CACNA1B: variants seen among roughly 807,000 people sequenced by gnomAD.
CACNA1B encodes voltage-dependent N-type calcium channel subunit alpha-1B.
CACNA1B carries 70 observed loss-of-function variants against 247.2 expected under a neutral mutation model. That is an observed-to-expected ratio of 0.28 (90% CI 0.23 to 0.35). CACNA1B has a LOEUF of 0.35. Among genes scored for constraint, CACNA1B ranks in the 10% least tolerant of loss-of-function variants. CACNA1B has a pLI of 1.00. For missense variants in CACNA1B, 2,367 were observed against 3,197.4 expected, an observed-to-expected ratio of 0.74 and a Z score of 6.26; for synonymous variants, 1,231 against 1,294.4, an observed-to-expected ratio of 0.95 and a Z score of 1.05.
Position 138,122,540 on chromosome 9 carries a change from C to T in CACNA1B, c.*541C>T, listed in dbSNP as rs201102670. 1 of 155,608 alleles carries T rather than the reference C, an allele frequency of 6.4e-6. No individual in the cohort carries two copies. The highest frequency in any genetic ancestry group is 2.0e-4 in the South Asian group (1 of 4,922). 9.6% of individuals were successfully genotyped at this position (155,608 alleles called of 1,614,324 possible). A position where few individuals can be genotyped will look rare whatever the true frequency, so the allele number is the denominator to read the frequency against. ...TGTCCTCCCTGGACACCGTCAGCCCCACAGGAACCGAGCTGGGAAGTGTTC... is the reference window on the plus strand; with the variant it reads ...TGTCCTCCCTGGACACCGTCAGCCCTACAGGAACCGAGCTGGGAAGTGTTC... On this transcript the variant is annotated 3_prime_UTR_variant, in exon 47 of 47. Coordinates refer to ENST00000371372, the MANE Select transcript of CACNA1B (RefSeq NM_000718.4).
At chr9:138,044,984 G>A (rs190899752) in intron 21 of CACNA1B, among the ~76,000 whole-genome samples, 3 of 152,340 alleles carry the variant, frequency 2.0e-5, no homozygotes, top group African/African-American at 7.2e-5. Flanking sequence ...AACCCGGTGT[G>A]GAAATGGAAA....
rs1958658393 is a variant in CACNA1B, at chr9:138,006,860, A to T, written c.2068A>T (p.Ile690Phe). 6.2e-7 allele frequency: 1 copy of T among 1,601,260 alleles called. No homozygotes were observed. The highest frequency in any genetic ancestry group is 2.2e-5 in the East Asian group (1 of 44,814). Residue 690 changes from isoleucine to phenylalanine, a missense_variant, in exon 16 of 47, where the codon ATT becomes TTT. Physicochemically the swap from Ile to Phe is conservative, Grantham distance 21 (BLOSUM62 0). Coordinates refer to ENST00000371372, the MANE Select transcript of CACNA1B (RefSeq NM_000718.4). The part of the protein sequence containing the change: ...SKGMFSSFYF[I>F]VLTLFGNYTL... ...AGGCATGTTCTCGTCCTTTTACTTC[A>T]TTGTCCTGACACTGTTCGGAAACTG...
chr9:137,971,453 GA>G lies in CACNA1B; in HGVS notation c.1406del (p.Lys469ArgfsTer11). On this transcript the variant is annotated frameshift_variant, in exon 11 of 47. Coordinates refer to ENST00000371372, the MANE Select transcript of CACNA1B (RefSeq NM_000718.4). LOFTEE classifies it high-confidence loss of function. This position sits in a 1 kb window ranked among gnomAD's most constrained non-coding sequence, Gnocchi z 4.4. ...ESSSYFRRKE[K>X]MFRFFIRRMV... ...GCTCGTCATACTTCCGGAGGAAGGA[GA>G]AGATGTTCCGGTTTTTTATCCGGCG... The G allele has an allele frequency of 6.2e-7, 1 of 1,613,650 alleles. No homozygotes were observed. The highest frequency in any genetic ancestry group is 8.5e-7 in the Non-Finnish European group (1 of 1,179,724).
chr9:138,002,179 A>C (rs1958585051), intron 15 of CACNA1B, among the ~76,000 whole-genome samples: 1 of 152,256 alleles, frequency 6.6e-6, no homozygotes, highest in African/African-American at 2.4e-5. Flanking sequence ...AAATATCAAA[A>C]GAACAGACCA....
In CACNA1B at chr9:137,880,755, A is replaced by T. The variant is rs1423084943; in HGVS notation, c.390+1596A>T. ...GTCCCATGTGCAGGCCCAGCCATTGATGTCCCCTGGGATGGAGGGGAGGCT... is the reference window on the plus strand; with the variant it reads ...GTCCCATGTGCAGGCCCAGCCATTGTTGTCCCCTGGGATGGAGGGGAGGCT... On this transcript the variant is annotated intron_variant, in intron 2 of 46. Coordinates refer to ENST00000371372, the MANE Select transcript of CACNA1B (RefSeq NM_000718.4). This position sits in a 1 kb window ranked among gnomAD's most constrained non-coding sequence, Gnocchi z 4.8. 1.3e-5 allele frequency among the ~76,000 whole-genome samples: 2 copies of T among 152,094 alleles called. No homozygotes were observed. The highest frequency in any genetic ancestry group is 4.8e-5 in the African/African-American group (2 of 41,410).
At chr9:138,083,091 G>A (rs985738591) in intron 36 of CACNA1B, among the ~76,000 whole-genome samples, 1 of 150,986 alleles carries the variant, frequency 6.6e-6, no homozygotes, top group Non-Finnish European at 1.5e-5. Flanking sequence ...AAGCCTAGCT[G>A]AGGGAGCTGC....
At chr9:138,026,480 T>C (rs770782920) in intron 20 of CACNA1B, among the ~76,000 whole-genome samples, 1 of 152,210 alleles carries the variant, frequency 6.6e-6, no homozygotes, top group Non-Finnish European at 1.5e-5. Context: ...TCACTGTCCC[T>C]ATAGTTTTGC....
intron 3 of CACNA1B, among the ~76,000 whole-genome samples, chr9:137,902,428 G>A (rs1208130519): frequency 1.3e-5 from 2 of 152,192 alleles, no homozygotes; most frequent in African/African-American, 2.4e-5. Flanking sequence ...GCTTCAGGGC[G>A]TAGAAAGTAC....
Position 137,914,562 on chromosome 9 carries a change from G to C in CACNA1B, c.623-92G>C. 1 of 1,059,534 alleles carries C rather than the reference G, an allele frequency of 9.4e-7. No individual in the cohort carries two copies. Among genetic ancestry groups the C allele is most frequent in the East Asian group, 2.4e-5 (1 of 40,892 alleles). The allele number at this position is 1,059,534 out of a possible 1,614,324, so 65.6% of individuals were successfully genotyped here. ...CACTGCTTAGCACCTTGCTGTCCCT[G>C]CTAGGTTCCTGCTGTTCTGTCCCTG... On this transcript the variant is annotated intron_variant, in intron 4 of 46. Coordinates refer to ENST00000371372, the MANE Select transcript of CACNA1B (RefSeq NM_000718.4). This position sits in a 1 kb window ranked among gnomAD's most constrained non-coding sequence, Gnocchi z 4.3.
chr9:138,014,624 T>G lies in CACNA1B; in HGVS notation c.2267+1389T>G, dbSNP rs1958767133. 6.6e-6 allele frequency among the ~76,000 whole-genome samples: 1 copy of G among 152,210 alleles called. No individual in the cohort carries two copies. Among genetic ancestry groups the G allele is most frequent in the Non-Finnish European group, 1.5e-5 (1 of 68,028 alleles). On this transcript the variant is annotated intron_variant, in intron 18 of 46. Coordinates refer to ENST00000371372, the MANE Select transcript of CACNA1B (RefSeq NM_000718.4). This position sits in a 1 kb window ranked among gnomAD's most constrained non-coding sequence, Gnocchi z 6.2. Reference sequence around the variant, plus strand: ...GTCCAGGGGTTTGCTACCAGGGCTCTGTGAGCTCTGCAGGTGGGTGGTCTG... The same window carrying G: ...GTCCAGGGGTTTGCTACCAGGGCTCGGTGAGCTCTGCAGGTGGGTGGTCTG...
intron 34 of CACNA1B, among the ~76,000 whole-genome samples, chr9:138,074,970 T>G (rs1305329520): frequency 6.6e-6 from 1 of 152,234 alleles, no homozygotes; most frequent in Non-Finnish European, 1.5e-5. Flanking sequence ...TAATTTAGAT[T>G]TTCTTTATTT....
At chr9:138,045,768 G>A (rs1160683786) in intron 21 of CACNA1B, among the ~76,000 whole-genome samples, 1 of 152,188 alleles carries the variant, frequency 6.6e-6, no homozygotes, top group Non-Finnish European at 1.5e-5. Flanking sequence ...GGTTGAGGCA[G>A]CAGCAGGCTG....
chr9:138,013,376 G>A (rs759267775), intron 18 of CACNA1B, 141 bp downstream of exon 18: 7 of 606,822 alleles, frequency 1.2e-5, no homozygotes, highest in South Asian at 2.0e-5. Context: ...GCCCCTCCTC[G>A]GAACTGGGAT....
intron 36 of CACNA1B, among the ~76,000 whole-genome samples, chr9:138,081,049 A>G (rs1172367251): frequency 6.6e-6 from 1 of 152,204 alleles, no homozygotes; most frequent in African/African-American, 2.4e-5. Flanking sequence ...TTGGAGAATC[A>G]CTTTCCTGAG....
intron 31 of CACNA1B, among the ~76,000 whole-genome samples, chr9:138,061,705 AC>A (rs986700535): frequency 3.3e-5 from 5 of 152,218 alleles, no homozygotes; most frequent in Non-Finnish European, 7.3e-5. Flanking sequence ...ACGGTACTGC[AC>A]AAGGAAAGGC....
chr9:138,014,370 G>C lies in CACNA1B; in HGVS notation c.2267+1135G>C, dbSNP rs1958764514. 6.6e-6 allele frequency among the ~76,000 whole-genome samples: 1 copy of C among 152,214 alleles called. No homozygotes were observed. Among genetic ancestry groups the C allele is most frequent in the Non-Finnish European group, 1.5e-5 (1 of 68,032 alleles). Reference sequence around the variant, plus strand: ...GGCCTGTCTCTAAGCCTAGCAGAAAGTGCTGGTCTTTGGGGCAGAAGCAGC... The same window carrying C: ...GGCCTGTCTCTAAGCCTAGCAGAAACTGCTGGTCTTTGGGGCAGAAGCAGC... On this transcript the variant is annotated intron_variant, in intron 18 of 46. Coordinates refer to ENST00000371372, the MANE Select transcript of CACNA1B (RefSeq NM_000718.4). The surrounding 1 kb of genome is among the most constrained non-coding windows in gnomAD (Gnocchi z 6.2).
At chr9:137,930,043 C>T (rs1423451362) in intron 6 of CACNA1B, among the ~76,000 whole-genome samples, 1 of 152,174 alleles carries the variant, frequency 6.6e-6, no homozygotes, top group Non-Finnish European at 1.5e-5. Context: ...GTGATCCTCC[C>T]ACCTTGGCCT....
In CACNA1B at chr9:138,121,568, C is replaced by T. The variant is rs1962101428; in HGVS notation, c.6589C>T (p.Pro2197Ser). The stretch of plus-strand genomic sequence containing the variant: ...GCAGCTCCCCCAGACGCCCCTGACT[C>T]CCCGCCCCAGCATCACCTACAAGAC... ...RRQLPQTPLT[P>S]RPSITYKTAN... Residue 2197 changes from proline (P) to serine (S), a missense_variant, in exon 47 of 47, where the codon CCC (proline) becomes TCC (serine). By Grantham distance (74) the Pro-to-Ser change is moderately conservative. Around this residue, in one of 12 missense-constraint regions of CACNA1B, gnomAD observed 773 missense variants for 779.4 expected, o/e 0.99. Transcript: ENST00000371372. This position sits in a 1 kb window ranked among gnomAD's most constrained non-coding sequence, Gnocchi z 6.8. The T allele has an allele frequency of 1.9e-6, 3 of 1,609,842 alleles. No homozygotes were observed. Among genetic ancestry groups the T allele is most frequent in the Non-Finnish European group, 2.5e-6 (3 of 1,177,296 alleles).
chr9:138,113,755 G>T (rs372302281), intron 40 of CACNA1B, among the ~76,000 whole-genome samples: 8 of 141,796 alleles, frequency 5.6e-5, no homozygotes, highest in Non-Finnish European at 1.1e-4. Context: ...ACTCCTCCTT[G>T]TGGGAGACGT....
Sources: allele counts gnomAD v4.1 joint callset (sites outside exome capture counted in the v4.1 genomes callset), GRCh38; gene constraint gnomAD v4.1.1; regional missense constraint gnomAD v4.1.1; non-coding constraint Gnocchi (gnomAD v3.1); transcripts MANE v1.5; gene names NCBI Gene and HGNC (gene_info 2026-07-23, HGNC 2026-07-21).